OSBPL8: variants seen among roughly 807,000 people sequenced by gnomAD.
OSBPL8 encodes the protein oxysterol-binding protein-related protein 8.
In OSBPL8, 59 loss-of-function variants were observed where a neutral mutation model predicts 125.5. The observed-to-expected ratio is 0.47, with a 90% confidence interval of 0.38 to 0.58. The LOEUF is 0.58. Among genes scored for constraint, OSBPL8 ranks in the 20% least tolerant of loss-of-function variants. OSBPL8 has a pLI of 0.00. For missense variants in OSBPL8, 758 were observed against 1,047.8 expected, an observed-to-expected ratio of 0.72 and a Z score of 3.82; for synonymous variants, 330 against 338.9, an observed-to-expected ratio of 0.97 and a Z score of 0.29.
chr12:76,530,678 A>G (rs1438015731), intron 1 of OSBPL8, among the ~76,000 whole-genome samples: 2 of 152,148 alleles, frequency 1.3e-5, no homozygotes, highest in African/African-American at 4.8e-5. Flanking sequence ...GGTATTCCCA[A>G]CACCTAGAAG....
chr12:76,476,311 G>A (rs557868697), intron 2 of OSBPL8, among the ~76,000 whole-genome samples: 3 of 152,200 alleles, frequency 2.0e-5, no homozygotes, highest in African/African-American at 7.2e-5. Context: ...ATATTCTAAG[G>A]AGCCCAAGTG....
In OSBPL8 at chr12:76,353,946, C is replaced by T. The variant is rs1243577764; in HGVS notation, c.*1943G>A. 2.6e-5 allele frequency: 4 copies of T among 152,286 alleles called. No individual in the cohort carries two copies. Among genetic ancestry groups the T allele is most frequent in the Non-Finnish European group, 1.5e-5 (1 of 67,796 alleles). 9.4% of individuals were successfully genotyped at this position (152,286 alleles called of 1,614,324 possible). A position where few individuals can be genotyped will look rare whatever the true frequency, so the allele number is the denominator to read the frequency against. On this transcript the variant is annotated 3_prime_UTR_variant, in exon 24 of 24. Transcript: ENST00000261183. ...TTGGACCAAATGAAAACAACATACA[C>T]GTGGATAAGACCAAAGTCCTAAGAG...
chr12:76,512,408 T>G (rs759133329), intron 1 of OSBPL8, among the ~76,000 whole-genome samples: 1 of 152,194 alleles, frequency 6.6e-6, no homozygotes, highest in Non-Finnish European at 1.5e-5. Context: ...TCTTTGTTAC[T>G]GTGAACAGCC....
chr12:76,469,362 A>T (rs1279936100), intron 2 of OSBPL8, among the ~76,000 whole-genome samples: 1 of 152,174 alleles, frequency 6.6e-6, no homozygotes, highest in East Asian at 1.9e-4. Context: ...CTGCAGGCAT[A>T]ACAAATAGAT....
chr12:76,396,614 C>T (rs898723535), intron 8 of OSBPL8, among the ~76,000 whole-genome samples: 2 of 152,024 alleles, frequency 1.3e-5, no homozygotes, highest in African/African-American at 4.8e-5. Flanking sequence ...ATTAGCTGAG[C>T]ATGGTGATAC....
At chr12:76,530,009 CTATGA>C (rs1289129816) in intron 1 of OSBPL8, among the ~76,000 whole-genome samples, 1 of 152,100 alleles carries the variant, frequency 6.6e-6, no homozygotes, top group African/African-American at 2.4e-5. Flanking sequence ...ACAAAAGCCT[CTATGA>C]TATGATATTC....
intron 4 of OSBPL8, among the ~76,000 whole-genome samples, chr12:76,434,979 A>T (rs1032524510): frequency 6.6e-6 from 1 of 152,182 alleles, no homozygotes; most frequent in Non-Finnish European, 1.5e-5. Flanking sequence ...GAATTACTGT[A>T]TGATCCAACA....
rs549829429 is a variant in OSBPL8 at position 76,352,830 on chromosome 12, T to C, written c.*3059A>G. ...CCTTCCACAAAATTTTGTGTGTATA[T>C]GGCACAAGGTGACAGCCAAAAAGTG... On this transcript the variant is annotated 3_prime_UTR_variant, in exon 24 of 24. Coordinates refer to ENST00000261183, the MANE Select transcript of OSBPL8 (RefSeq NM_020841.5). 1 of 152,630 alleles carries C rather than the reference T, an allele frequency of 6.6e-6. No homozygotes were observed. The highest frequency in any genetic ancestry group is 2.1e-4 in the South Asian group (1 of 4,832). 9.5% of individuals were successfully genotyped at this position (152,630 alleles called of 1,614,324 possible).
chr12:76,357,114 A>C (rs752595457), intron 22 of OSBPL8, among the ~76,000 whole-genome samples: 1 of 152,138 alleles, frequency 6.6e-6, no homozygotes, highest in Non-Finnish European at 1.5e-5. Flanking sequence ...TTAGTTACCT[A>C]AACTTTAAAT....
chr12:76,395,169 A>C (rs1241122336), intron 8 of OSBPL8, among the ~76,000 whole-genome samples: 1 of 152,168 alleles, frequency 6.6e-6, no homozygotes, highest in East Asian at 1.9e-4. Context: ...ATAAATCTCC[A>C]CTTTATAACC....
At chr12:76,377,619 TTA>T (rs1952879347) in intron 16 of OSBPL8, among the ~76,000 whole-genome samples, 2 of 152,190 alleles carry the variant, frequency 1.3e-5, no homozygotes, top group African/African-American at 2.4e-5. Flanking sequence ...ATTGAATAAT[TTA>T]TATGTTTTCA....
intron 1 of OSBPL8, among the ~76,000 whole-genome samples, chr12:76,545,104 C>CA (rs1336273841): frequency 2.0e-5 from 3 of 152,142 alleles, no homozygotes; most frequent in Non-Finnish European, 2.9e-5. Flanking sequence ...TTCTCTAAAT[C>CA]AGTCAGCATT....
chr12:76,439,589 T>TC (rs71440446), intron 4 of OSBPL8, among the ~76,000 whole-genome samples: 31,447 of 151,908 alleles, frequency 0.21, 3,492 homozygotes, highest in Non-Finnish European at 0.27. Flanking sequence ...CCTTTTTTTT[T>TC]CCCTAAAGGC....
At chr12:76,472,208 G>C (rs186590459) in intron 2 of OSBPL8, among the ~76,000 whole-genome samples, 18 of 152,298 alleles carry the variant, frequency 1.2e-4, no homozygotes, top group Non-Finnish European at 2.6e-4. Context: ...GTAAGATGAG[G>C]ATACCACCAT....
intron 1 of OSBPL8, among the ~76,000 whole-genome samples, chr12:76,523,750 C>A (rs1014033042): frequency 6.6e-6 from 1 of 152,200 alleles, no homozygotes; most frequent in Non-Finnish European, 1.5e-5. Flanking sequence ...GACTTTCCAG[C>A]CCCCAGAACT....
rs2136293220 is a variant in OSBPL8 at position 76,390,569 on chromosome 12, C to T, written c.1018G>A (p.Asp340Asn). Residue 340 changes from aspartate to asparagine, a missense_variant, in exon 11 of 24, where the codon GAT (aspartate) becomes AAT (asparagine). Physicochemically the swap from Asp to Asn is conservative, Grantham distance 23. This residue lies in a region of OSBPL8 where 572 missense variants were observed against 762.0 expected (regional missense o/e 0.75). Coordinates refer to ENST00000261183, the MANE Select transcript of OSBPL8 (RefSeq NM_020841.5). ...CCCATCACCTCATTATCAGACTCAT[C>T]ATGTTCTTGATCATTTTCTTTATCA... ...KSDKENDQEH[D>N]ESDNEVMGKS... is the part of the protein sequence containing the mutation. 6.2e-7 allele frequency: 1 copy of T among 1,613,808 alleles called. No homozygotes were observed. Among genetic ancestry groups the T allele is most frequent in the East Asian group, 2.2e-5 (1 of 44,836 alleles).
chr12:76,398,134 A>G (rs1953892388), intron 7 of OSBPL8, among the ~76,000 whole-genome samples: 1 of 152,178 alleles, frequency 6.6e-6, no homozygotes, highest in African/African-American at 2.4e-5. Context: ...GTAGTGTACT[A>G]AGTAGGATAA....
At chr12:76,527,559 G>A (rs1203853235) in intron 1 of OSBPL8, among the ~76,000 whole-genome samples, 2 of 152,096 alleles carry the variant, frequency 1.3e-5, no homozygotes, top group African/African-American at 4.8e-5. Context: ...TAATACATGG[G>A]TCTGAGAGCT....
chr12:76,405,633 G>C (rs939205281), intron 5 of OSBPL8, among the ~76,000 whole-genome samples: 10 of 152,162 alleles, frequency 6.6e-5, no homozygotes, highest in East Asian at 1.9e-4. Flanking sequence ...CTGCCATAAC[G>C]TGCAGTCTAG....
Sources: allele counts gnomAD v4.1 joint callset (sites outside exome capture counted in the v4.1 genomes callset), GRCh38; gene constraint gnomAD v4.1.1; regional missense constraint gnomAD v4.1.1; transcripts MANE v1.5; gene names NCBI Gene and HGNC (gene_info 2026-07-23, HGNC 2026-07-21).